The following PEMT variants were observed in gnomAD, a reference collection of about 807,000 sequenced individuals.
PEMT encodes the protein phospholipid methyltransferase.
PEMT carries 23 observed loss-of-function variants against 27.4 expected under a neutral mutation model. The observed-to-expected ratio is 0.84, with a 90% CI of 0.60 to 1.19. The LOEUF (loss-of-function observed/expected upper bound fraction) is 1.19, where lower values mean the gene tolerates loss of function less well. PEMT is among the 50% of genes most tolerant of loss of function. The pLI is 0.00. For missense variants in PEMT, 307 were observed against 310.1 expected (o/e 0.99, Z 0.07); for synonymous variants, 137 against 139.1 (o/e 0.98, Z 0.11).
chr17:17,535,562 C>T (rs1241063595), intron 2 of PEMT, among the ~76,000 whole-genome samples: 1 of 96,158 alleles, frequency 1.0e-5, no homozygotes, highest in East Asian at 2.4e-4. Flanking sequence ...GAGACTCCGT[C>T]TCAAGAAAAA....
At chr17:17,521,484 GTTC>G (rs777280551) in intron 3 of PEMT, among the ~76,000 whole-genome samples, 84 of 152,198 alleles carry the variant, frequency 5.5e-4, no homozygotes, top group African/African-American at 1.9e-3. Flanking sequence ...TCTAGTTCCA[GTTC>G]TTCTTCTCTG....
intron 2 of PEMT, among the ~76,000 whole-genome samples, chr17:17,541,876 CCA>C (rs1908912101): frequency 6.6e-6 from 1 of 152,244 alleles, no homozygotes; most frequent in South Asian, 2.1e-4. Flanking sequence ...AAACGACAGG[CCA>C]CAGACATGTG....
At chr17:17,530,474 G>A (rs556894815) in intron 2 of PEMT, among the ~76,000 whole-genome samples, 1 of 152,154 alleles carries the variant, frequency 6.6e-6, no homozygotes, top group South Asian at 2.1e-4. Context: ...CAGCCTGGGT[G>A]ACAGAGAGAC....
intron 1 of PEMT, chr17:17,578,735 T>C (rs910412790): frequency 6.6e-6 from 1 of 152,048 alleles, no homozygotes; most frequent in Admixed American, 6.5e-5. Context: ...GCGTTCCACA[T>C]TTTTGGACAC....
chr17:17,564,255 C>G (rs1264866769), intron 2 of PEMT, among the ~76,000 whole-genome samples: 2 of 152,136 alleles, frequency 1.3e-5, no homozygotes, highest in Non-Finnish European at 2.9e-5. Context: ...CTCTTACCTG[C>G]CCACATTCCA....
chr17:17,556,733 C>T (rs1220790603), intron 2 of PEMT, among the ~76,000 whole-genome samples: 5 of 152,174 alleles, frequency 3.3e-5, no homozygotes, highest in Non-Finnish European at 7.3e-5. Context: ...CCTCCTCCCT[C>T]CTTCAGAGAG....
chr17:17,553,628 T>C (rs1462040601), intron 2 of PEMT, among the ~76,000 whole-genome samples: 2 of 152,218 alleles, frequency 1.3e-5, no homozygotes, highest in Non-Finnish European at 2.9e-5. Context: ...AGCACTAACC[T>C]GACCCAGCAC....
At chr17:17,590,230 G>A (rs1006032762) in intron 1 of PEMT, among the ~76,000 whole-genome samples, 1 of 152,220 alleles carries the variant, frequency 6.6e-6, no homozygotes, top group Non-Finnish European at 1.5e-5. Context: ...TCAATGGACA[G>A]TTTACTAAAG....
chr17:17,591,161 C>T (rs1165620558), intron 1 of PEMT, among the ~76,000 whole-genome samples: 2 of 152,206 alleles, frequency 1.3e-5, no homozygotes, highest in East Asian at 1.9e-4. Flanking sequence ...TACACACTCA[C>T]ACTCACTCTC....
chr17:17,582,545 G>C lies in PEMT; in HGVS notation c.97-5518C>G, dbSNP rs922307482. The C allele has an allele frequency of 2.4e-6, 1 of 418,344 alleles. No individual in the cohort carries two copies. 25.9% of individuals were successfully genotyped at this position (418,344 alleles called of 1,614,324 possible). ...CACACACCACACACAACAAAGGGCA[G>C]GGGAATGGGTGGGGGCTGCTGGAGA... On this transcript the variant is annotated intron_variant, in intron 1 of 6. Transcript: ENST00000255389. The surrounding 1 kb of genome is among the most constrained non-coding windows in gnomAD (Gnocchi z 4.9).
At chr17:17,517,422 T>C (rs751535811) in intron 3 of PEMT, among the ~76,000 whole-genome samples, 5 of 151,802 alleles carry the variant, frequency 3.3e-5, no homozygotes, top group Non-Finnish European at 7.4e-5. Flanking sequence ...AGCCCTCCAT[T>C]GCTCCATCGG....
In PEMT at chr17:17,512,339, T is replaced by C. The variant is rs1475409219; in HGVS notation, c.466+170A>G. 6.6e-6 allele frequency among the ~76,000 whole-genome samples: 1 copy of C among 152,172 alleles called. No homozygotes were observed. The highest frequency in any genetic ancestry group is 2.4e-5 in the African/African-American group (1 of 41,454). Reference sequence around the variant, plus strand: ...GAGGAGCTGTTGGAGCCCAGCCTCCTGTTCTAACCACAGACAAGCCAGGCC... The same window carrying C: ...GAGGAGCTGTTGGAGCCCAGCCTCCCGTTCTAACCACAGACAAGCCAGGCC... On this transcript the variant is annotated intron_variant, in intron 4 of 6. Coordinates refer to ENST00000255389, the MANE Select transcript of PEMT (RefSeq NM_148172.3). The surrounding 1 kb of genome is among the most constrained non-coding windows in gnomAD (Gnocchi z 6.3).
intron 2 of PEMT, among the ~76,000 whole-genome samples, chr17:17,571,359 C>T (rs1336362670): frequency 2.0e-5 from 3 of 152,052 alleles, no homozygotes. Context: ...AGTGTGAACT[C>T]CCCCAAAGAC....
chr17:17,542,654 A>G (rs1908971258), intron 2 of PEMT, among the ~76,000 whole-genome samples: 1 of 152,254 alleles, frequency 6.6e-6, no homozygotes, highest in African/African-American at 2.4e-5. Context: ...GACAGTGACC[A>G]CAATCCTGGT....
At chr17:17,566,419 C>T (rs796762716) in intron 2 of PEMT, among the ~76,000 whole-genome samples, 12 of 152,296 alleles carry the variant, frequency 7.9e-5, no homozygotes, top group African/African-American at 1.7e-4. Context: ...AGGCCAGGCC[C>T]GGGACATCCA....
At chr17:17,563,656 C>A (rs1006878890) in intron 2 of PEMT, among the ~76,000 whole-genome samples, 1 of 152,200 alleles carries the variant, frequency 6.6e-6, no homozygotes, top group Non-Finnish European at 1.5e-5. Flanking sequence ...GGGTGGCAGG[C>A]AAAGCGACAG....
At chr17:17,546,652 C>T (rs1909281959) in intron 2 of PEMT, among the ~76,000 whole-genome samples, 1 of 152,232 alleles carries the variant, frequency 6.6e-6, no homozygotes, top group African/African-American at 2.4e-5. Flanking sequence ...AGGCGCCTGC[C>T]TTCGTCCGAC....
intron 1 of PEMT, among the ~76,000 whole-genome samples, chr17:17,581,772 G>A (rs978905146): frequency 3.9e-5 from 6 of 152,082 alleles, no homozygotes; most frequent in Non-Finnish European, 5.9e-5. Context: ...GTGTCCATCC[G>A]GTCACTTCAG....
At chr17:17,577,130 C>A in intron 1 of PEMT, 103 bp from the exon 2 acceptor site, 1 of 818,008 alleles carries the variant, frequency 1.2e-6, no homozygotes, top group African/African-American at 1.7e-5. Flanking sequence ...ACTGGGAGGC[C>A]TGGGAACATC....
Sources: gnomAD v4.1 joint callset for allele counts (sites outside exome capture counted in the v4.1 genomes callset) on GRCh38, gnomAD v4.1.1 for gene constraint, Gnocchi (gnomAD v3.1) non-coding constraint, MANE v1.5 for transcripts, NCBI Gene and HGNC (gene_info 2026-07-23, HGNC 2026-07-21) for gene names.